ADGRL2: variants seen among roughly 807,000 people sequenced by gnomAD.
The protein encoded by ADGRL2 is adhesion G protein-coupled receptor L2.
Under a neutral mutation model 157.4 loss-of-function variants are expected in ADGRL2, and 44 were observed. The ratio of observed to expected loss-of-function variants is 0.28; its 90% CI spans 0.22 to 0.36. The LOEUF (loss-of-function observed/expected upper bound fraction) is 0.36, where lower values mean the gene tolerates loss of function less well. ADGRL2 is among the 10% of genes least tolerant of loss of function. The pLI is 1.00. For synonymous variants in ADGRL2, 585 were observed against 624.7 expected, an observed-to-expected ratio of 0.94 and a Z score of 0.95; for missense variants, 1,510 against 1,768.9, an observed-to-expected ratio of 0.85 and a Z score of 2.63.
chr1:81,748,605 G>T (rs1217906482), intron 1 of ADGRL2, among the ~76,000 whole-genome samples: 2 of 151,706 alleles, frequency 1.3e-5, no homozygotes, highest in African/African-American at 4.8e-5. Flanking sequence ...CTGAAAAGTG[G>T]TTAATGAATG....
intron 1 of ADGRL2, among the ~76,000 whole-genome samples, chr1:81,717,980 A>C (rs1334500087): frequency 1.3e-5 from 2 of 152,158 alleles, no homozygotes; most frequent in African/African-American, 4.8e-5. Context: ...CATAGTTTTA[A>C]TTTTGTGGTT....
intron 2 of ADGRL2, among the ~76,000 whole-genome samples, chr1:81,852,142 C>T (rs2093036060): frequency 6.6e-6 from 1 of 152,000 alleles, no homozygotes; most frequent in South Asian, 2.1e-4. Context: ...TGGTTCATTA[C>T]CACCTCGTTT....
At chr1:81,939,792 A>G (rs183186994) in intron 4 of ADGRL2, among the ~76,000 whole-genome samples, 71 of 151,524 alleles carry the variant, frequency 4.7e-4, no homozygotes, top group African/African-American at 1.7e-3. Context: ...TCTTCTACTG[A>G]TAGAATTTTG....
At chr1:81,568,367 T>G (rs1327565839) in intron 2 of ADGRL2, among the ~76,000 whole-genome samples, 1 of 152,144 alleles carries the variant, frequency 6.6e-6, no homozygotes, top group Non-Finnish European at 1.5e-5. Flanking sequence ...TCAACCAGGT[T>G]TAAACCTTGC....
chr1:81,687,926 ATGC>A (rs1190386031), intron 3 of ADGRL2, among the ~76,000 whole-genome samples: 1 of 152,096 alleles, frequency 6.6e-6, no homozygotes. Flanking sequence ...TTCTTATATG[ATGC>A]TTAGTTTTGC....
chr1:81,848,203 A>G (rs1237343463), intron 2 of ADGRL2, among the ~76,000 whole-genome samples: 2 of 151,840 alleles, frequency 1.3e-5, no homozygotes, highest in African/African-American at 4.8e-5. Flanking sequence ...TTCTTAATGA[A>G]TTTTATTAGA....
chr1:81,427,758 A>G (rs2077245162), intron 1 of ADGRL2, among the ~76,000 whole-genome samples: 1 of 152,186 alleles, frequency 6.6e-6, no homozygotes, highest in Admixed American at 6.5e-5. Context: ...TAGTCAGAAA[A>G]GTTACTGCAG....
Position 81,652,554 on chromosome 1 carries a change from C to G in ADGRL2, c.-143+71574C>G, listed in dbSNP as rs183036556. Among the ~76,000 whole-genome samples, 1,020 of 152,198 alleles carry G rather than the reference C, an allele frequency of 6.7e-3. 10 individuals are homozygous for G. The highest frequency in any genetic ancestry group is 0.041 in the Middle Eastern group (12 of 294). On this transcript the variant is annotated intron_variant, in intron 3 of 24. Transcript: ENST00000370721. ...GTCATCAGATATTTGTTGGTGCTTCCAGACCTTTTATTTTTTAGTTTAAAA... is the reference window on the plus strand; with the variant it reads ...GTCATCAGATATTTGTTGGTGCTTCGAGACCTTTTATTTTTTAGTTTAAAA...
intron 1 of ADGRL2, among the ~76,000 whole-genome samples, chr1:81,744,052 G>A (rs911176069): frequency 6.6e-6 from 1 of 152,102 alleles, no homozygotes; most frequent in African/African-American, 2.4e-5. Context: ...GGAAGCTAAA[G>A]ATATACCTAG....
At chr1:81,598,523 A>G (rs2081279991) in intron 3 of ADGRL2, among the ~76,000 whole-genome samples, 1 of 152,228 alleles carries the variant, frequency 6.6e-6, no homozygotes, top group East Asian at 1.9e-4. Context: ...ACCTTTACAT[A>G]GCAAACATGC....
intron 1 of ADGRL2, among the ~76,000 whole-genome samples, chr1:81,718,637 A>G (rs2084196604): frequency 6.6e-6 from 1 of 152,222 alleles, no homozygotes; most frequent in African/African-American, 2.4e-5. Flanking sequence ...ATAAATTGTA[A>G]TGGAATTTAC....
chr1:81,821,788 T>G (rs1040275179), intron 1 of ADGRL2, among the ~76,000 whole-genome samples: 1 of 152,158 alleles, frequency 6.6e-6, no homozygotes, highest in Non-Finnish European at 1.5e-5. Context: ...ACAGTCTAAT[T>G]ATTAAAGCAT....
chr1:81,536,619 G>C (rs1432209247), intron 2 of ADGRL2, among the ~76,000 whole-genome samples: 3 of 152,030 alleles, frequency 2.0e-5, no homozygotes, highest in Non-Finnish European at 4.4e-5. Flanking sequence ...TTTTTTGTTT[G>C]TTTGTGTCTT....
At chr1:81,712,082 A>T (rs2083950361) in intron 1 of ADGRL2, among the ~76,000 whole-genome samples, 1 of 152,166 alleles carries the variant, frequency 6.6e-6, no homozygotes, top group Non-Finnish European at 1.5e-5. Flanking sequence ...TTCTGTTTTC[A>T]TTTTACCAAT....
intron 3 of ADGRL2, among the ~76,000 whole-genome samples, chr1:81,603,307 T>C (rs942853454): frequency 5.3e-5 from 8 of 152,170 alleles, no homozygotes; most frequent in Non-Finnish European, 1.2e-4. Context: ...TAGGTTCTAG[T>C]TCAAGATTTG....
At chr1:81,957,541 A>C (rs916829115) in intron 11 of ADGRL2, among the ~76,000 whole-genome samples, 5 of 151,970 alleles carry the variant, frequency 3.3e-5, no homozygotes, top group African/African-American at 9.7e-5. Flanking sequence ...TTTACAAAAA[A>C]TACGCCAAGA....
intron 1 of ADGRL2, among the ~76,000 whole-genome samples, chr1:81,422,540 C>T (rs1439970936): frequency 6.6e-6 from 1 of 152,236 alleles, no homozygotes; most frequent in Non-Finnish European, 1.5e-5. Flanking sequence ...CCACCACGCC[C>T]AGCCAAATGT....
intron 2 of ADGRL2, among the ~76,000 whole-genome samples, chr1:81,579,631 C>T (rs1246079996): frequency 6.6e-6 from 1 of 152,086 alleles, no homozygotes; most frequent in East Asian, 1.9e-4. Flanking sequence ...TCTTCAGAGG[C>T]ATCTGCAGCT....
chr1:81,865,599 ACATTTCT>A (rs754979990), intron 2 of ADGRL2, among the ~76,000 whole-genome samples: 1 of 152,162 alleles, frequency 6.6e-6, no homozygotes, highest in Non-Finnish European at 1.5e-5. Context: ...AGCCGATGGT[ACATTTCT>A]CCTGAGAGAT....
Sources: gnomAD v4.1 joint callset for allele counts (sites outside exome capture counted in the v4.1 genomes callset) on GRCh38, gnomAD v4.1.1 for gene constraint, MANE v1.5 for transcripts, NCBI Gene and HGNC (gene_info 2026-07-23, HGNC 2026-07-21) for gene names.